PRKN: variants seen among roughly 807,000 people sequenced by gnomAD.
The protein encoded by PRKN is parkin RBR E3 ubiquitin protein ligase, also known as E3 ubiquitin-protein ligase parkin.
PRKN carries 56 observed loss-of-function variants against 59.5 expected under a neutral mutation model. The observed-to-expected ratio is 0.94, with a 90% CI of 0.76 to 1.18. The LOEUF (loss-of-function observed/expected upper bound fraction) is 1.18, where lower values mean the gene tolerates loss of function less well. Among genes scored for constraint, PRKN ranks in the 50% most tolerant of loss-of-function variants. The pLI, the probability that PRKN is intolerant of heterozygous loss-of-function variation, is 0.00. For missense variants in PRKN, 657 were observed against 596.4 expected (o/e 1.10, Z -1.06); for synonymous variants, 250 against 222.1 (o/e 1.13, Z -1.12).
At chr6:162,659,982 A>G (rs1778815184) in intron 1 of PRKN, among the ~76,000 whole-genome samples, 1 of 152,154 alleles carries the variant, frequency 6.6e-6, no homozygotes, top group Non-Finnish European at 1.5e-5. Flanking sequence ...ACCCTGTGAA[A>G]CTTATGCCAG....
intron 1 of PRKN, among the ~76,000 whole-genome samples, chr6:162,631,300 G>C (rs1225866106): frequency 1.3e-5 from 2 of 152,054 alleles, no homozygotes; most frequent in African/African-American, 4.8e-5. Context: ...AAATTAAATT[G>C]CAACTGTCAA....
At chr6:161,536,275 G>A (rs897430503) in intron 9 of PRKN, among the ~76,000 whole-genome samples, 6 of 152,106 alleles carry the variant, frequency 3.9e-5, no homozygotes, top group South Asian at 2.1e-4. Context: ...GATGAACTCA[G>A]TAGGGCAATG....
intron 9 of PRKN, among the ~76,000 whole-genome samples, chr6:161,534,332 T>G (rs912695060): frequency 6.6e-6 from 1 of 152,204 alleles, no homozygotes; most frequent in Non-Finnish European, 1.5e-5. Context: ...CTCCCCATTC[T>G]TGATTCCAAA....
chr6:162,115,031 A>G (rs1473866309), intron 4 of PRKN, among the ~76,000 whole-genome samples: 1 of 151,918 alleles, frequency 6.6e-6, no homozygotes, highest in East Asian at 1.9e-4. Flanking sequence ...TGCTGCTATA[A>G]AGACACATGC....
chr6:162,025,581 T>G (rs1582916046), intron 5 of PRKN, among the ~76,000 whole-genome samples: 1 of 124,206 alleles, frequency 8.1e-6, no homozygotes, highest in East Asian at 2.3e-4. Context: ...ATATCCATGG[T>G]GCTTTTTTTT....
At chr6:162,271,901 T>A (rs1468497610) in intron 2 of PRKN, among the ~76,000 whole-genome samples, 1 of 152,256 alleles carries the variant, frequency 6.6e-6, no homozygotes, top group Non-Finnish European at 1.5e-5. Flanking sequence ...ATTTTCATTA[T>A]GATCAAAAAT....
intron 2 of PRKN, among the ~76,000 whole-genome samples, chr6:162,422,136 C>T (rs1323207053): frequency 6.6e-6 from 1 of 152,184 alleles, no homozygotes; most frequent in Admixed American, 6.5e-5. Context: ...GTTACTAAGA[C>T]ACCATGTATG....
At chr6:161,924,665 C>G (rs1778901775) in intron 6 of PRKN, among the ~76,000 whole-genome samples, 1 of 152,172 alleles carries the variant, frequency 6.6e-6, no homozygotes, top group African/African-American at 2.4e-5. Context: ...TTCAGGGGCT[C>G]AACACCCATT....
intron 5 of PRKN, among the ~76,000 whole-genome samples, chr6:161,987,707 CA>C (rs1304438999): frequency 6.6e-6 from 1 of 152,100 alleles, no homozygotes; most frequent in Admixed American, 6.5e-5. Flanking sequence ...CTGTGGATAT[CA>C]AGGGCTGATG....
intron 3 of PRKN, among the ~76,000 whole-genome samples, chr6:162,212,258 T>G (rs1785234967): frequency 6.6e-6 from 1 of 152,138 alleles, no homozygotes; most frequent in South Asian, 2.1e-4. Flanking sequence ...TGACTTCACC[T>G]GTTTAAGTCA....
intron 1 of PRKN, among the ~76,000 whole-genome samples, chr6:162,515,371 C>T (rs538259895): frequency 2.6e-5 from 4 of 152,090 alleles, no homozygotes; most frequent in Non-Finnish European, 5.9e-5. Flanking sequence ...GCATGAGCCA[C>T]CGCACCTGGT....
At chr6:161,690,264 C>T (rs1174963472) in intron 7 of PRKN, among the ~76,000 whole-genome samples, 1 of 152,158 alleles carries the variant, frequency 6.6e-6, no homozygotes, top group African/African-American at 2.4e-5. Context: ...ATGGAAGGCA[C>T]TGCTGCGCAC....
intron 2 of PRKN, among the ~76,000 whole-genome samples, chr6:162,324,926 TAAAACAAAAC>T (rs67805682): frequency 0.021 from 3,103 of 151,278 alleles, 52 homozygotes; most frequent in Non-Finnish European, 0.034. Context: ...GCATCTGATG[TAAAACAAAAC>T]AAAACAAAAC....
intron 6 of PRKN, among the ~76,000 whole-genome samples, chr6:161,968,870 T>C (rs1462320862): frequency 2.6e-5 from 4 of 152,210 alleles, no homozygotes; most frequent in Non-Finnish European, 5.9e-5. Flanking sequence ...TTATGAATAG[T>C]GAATGAGAAA....
At chr6:162,550,016 C>T (rs552717961) in intron 1 of PRKN, among the ~76,000 whole-genome samples, 4 of 152,190 alleles carry the variant, frequency 2.6e-5, no homozygotes, top group Non-Finnish European at 4.4e-5. Flanking sequence ...TATGTCTCAC[C>T]GTTTGTCTGG....
chr6:162,445,457 G>T (rs1287549184), intron 1 of PRKN, among the ~76,000 whole-genome samples: 3 of 151,870 alleles, frequency 2.0e-5, no homozygotes, highest in Non-Finnish European at 4.4e-5. Flanking sequence ...GAGGCCAAGG[G>T]GCAAGGATGA....
chr6:161,995,671 A>C (rs2128260445), intron 5 of PRKN, among the ~76,000 whole-genome samples: 1 of 152,282 alleles, frequency 6.6e-6, no homozygotes, highest in African/African-American at 2.4e-5. Flanking sequence ...AAATATTACT[A>C]ATCATCAAGG....
rs202133529 is a variant in PRKN at position 161,597,859 on chromosome 6, T to C, written c.872-28443A>G. 3.0e-4 allele frequency among the ~76,000 whole-genome samples: 41 copies of C among 138,362 alleles called. No homozygotes were observed. In the South Asian group the frequency reaches 4.9e-3, roughly 16 times the overall value. The allele number at this position is 138,362 out of a possible 152,430, so 90.8% of individuals were successfully genotyped here. ...GCGCACACACACACACACACACACA[T>C]ATTCTAAACCCACATACACACATGT... On this transcript the variant is annotated intron_variant, in intron 7 of 11. Coordinates refer to ENST00000366898, the MANE Select transcript of PRKN (RefSeq NM_004562.3).
intron 6 of PRKN, among the ~76,000 whole-genome samples, chr6:161,924,211 C>T (rs1240929749): frequency 6.6e-6 from 1 of 152,140 alleles, no homozygotes. Flanking sequence ...TCAAAATCTA[C>T]TTACTGCCCC....
Sources: allele counts gnomAD v4.1 joint callset (sites outside exome capture counted in the v4.1 genomes callset), GRCh38; gene constraint gnomAD v4.1.1; transcripts MANE v1.5; gene names NCBI Gene and HGNC (gene_info 2026-07-23, HGNC 2026-07-21).